DOCK10: variants seen among roughly 807,000 people sequenced by gnomAD.
DOCK10 encodes dedicator of cytokinesis protein 10.
DOCK10 carries 145 observed loss-of-function variants against 280.1 expected under a neutral mutation model. The observed-to-expected ratio is 0.52, with a 90% confidence interval of 0.45 to 0.59. The LOEUF is 0.59. DOCK10 is among the 20% of genes least tolerant of loss of function. The pLI, the probability that DOCK10 is intolerant of heterozygous loss-of-function variation, is 0.00. For synonymous variants in DOCK10, 915 were observed against 942.2 expected (o/e 0.97, Z 0.53); for missense variants, 2,368 against 2,651.7 (o/e 0.89, Z 2.35).
chr2:224,787,409 C>G lies in DOCK10; in HGVS notation c.5419-12G>C. On this transcript the variant is annotated splice_polypyrimidine_tract_variant and intron_variant, in intron 48 of 55. Coordinates refer to ENST00000258390, the MANE Select transcript of DOCK10 (RefSeq NM_014689.3). Reference sequence around the variant, plus strand: ...TCCACCAGGATATTCTGCAATTCCCCCAATCAAAATAAGATTTTACATGAT... The same window carrying G: ...TCCACCAGGATATTCTGCAATTCCCGCAATCAAAATAAGATTTTACATGAT... 1 of 1,613,358 alleles carries G rather than the reference C, an allele frequency of 6.2e-7. No homozygotes were observed. Among genetic ancestry groups the G allele is most frequent in the African/African-American group, 1.3e-5 (1 of 74,998 alleles).
chr2:224,885,584 G>T, intron 7 of DOCK10, 87 bp downstream of exon 7: 2 of 1,335,740 alleles, frequency 1.5e-6, no homozygotes, highest in Non-Finnish European at 2.0e-6. Context: ...GCAGCTCTTG[G>T]CTCATATCAG....
chr2:224,880,398 A>C (rs564592633), intron 7 of DOCK10, among the ~76,000 whole-genome samples: 2 of 152,340 alleles, frequency 1.3e-5, no homozygotes, highest in South Asian at 4.1e-4. Flanking sequence ...AATGTCATAT[A>C]GAATAGCAAA....
chr2:224,874,589 T>C, intron 9 of DOCK10, 77 bp downstream of exon 9: 1 of 1,383,684 alleles, frequency 7.2e-7, no homozygotes, highest in South Asian at 1.2e-5. Flanking sequence ...AAAGAAAGCA[T>C]TTACGTCTTT....
rs955757287 is a variant in DOCK10 at position 225,005,075 on chromosome 2, A to C, written c.123+37177T>G. Among the ~76,000 whole-genome samples, 5 of 152,250 alleles carry C rather than the reference A, an allele frequency of 3.3e-5. No individual in the cohort carries two copies. In the East Asian group the frequency reaches 9.6e-4, roughly 29 times the overall value. On this transcript the variant is annotated intron_variant, in intron 1 of 55. Coordinates refer to ENST00000258390, the MANE Select transcript of DOCK10 (RefSeq NM_014689.3). ...CATTAGATATATTAGAGGCAATTTG[A>C]AAGTTAACTGAGAAATGAGACCTCA... is the stretch of plus-strand genomic sequence containing the variant.
At chr2:224,869,869 C>A (rs868629108) in intron 11 of DOCK10, among the ~76,000 whole-genome samples, 1 of 152,152 alleles carries the variant, frequency 6.6e-6, no homozygotes, top group African/African-American at 2.4e-5. Flanking sequence ...GAAAAGCCCA[C>A]TATCTTTGAT....
intron 4 of DOCK10, 93 bp downstream of exon 4, chr2:224,896,202 A>C (rs1345838747): frequency 1.7e-5 from 12 of 687,966 alleles, no homozygotes; most frequent in Non-Finnish European, 2.3e-5. Context: ...CAGAAGATTA[A>C]TGTACGTGTA....
chr2:224,958,329 G>C (rs186740311), intron 1 of DOCK10, among the ~76,000 whole-genome samples: 1 of 151,972 alleles, frequency 6.6e-6, no homozygotes, highest in Non-Finnish European at 1.5e-5. Context: ...GAGGAGCTCC[G>C]GGCACAAAAA....
At chr2:224,846,269 A>G (rs1439889078) in intron 19 of DOCK10, among the ~76,000 whole-genome samples, 1 of 152,234 alleles carries the variant, frequency 6.6e-6, no homozygotes, top group East Asian at 1.9e-4. Context: ...ATGTAACTGC[A>G]GAATATAGAT....
chr2:224,988,075 C>T (rs980338268), intron 1 of DOCK10, among the ~76,000 whole-genome samples: 3 of 152,138 alleles, frequency 2.0e-5, no homozygotes, highest in African/African-American at 7.2e-5. Context: ...AGTGAACAAG[C>T]GTGATGCTGC....
chr2:224,896,435 G>A (rs764428659), intron 3 of DOCK10, 58 bp from the exon 4 acceptor site: 329 of 1,144,018 alleles, frequency 2.9e-4, no homozygotes, highest in Non-Finnish European at 3.3e-4. Context: ...AAGGCTGGGC[G>A]CGGTGGCGCT....
chr2:224,853,221 C>A, intron 16 of DOCK10, 99 bp from the exon 17 acceptor site: 1 of 1,066,912 alleles, frequency 9.4e-7, no homozygotes, highest in South Asian at 2.5e-5. Flanking sequence ...AAGATAGAAA[C>A]TCCTGGCTTG....
At chr2:224,771,279 T>C (rs547352464) in intron 53 of DOCK10, among the ~76,000 whole-genome samples, 2 of 152,340 alleles carry the variant, frequency 1.3e-5, no homozygotes, top group South Asian at 4.1e-4. Context: ...AAAACTAGAC[T>C]CACTTCTATT....
chr2:225,014,436 T>C (rs908457696), intron 1 of DOCK10, among the ~76,000 whole-genome samples: 2 of 152,090 alleles, frequency 1.3e-5, no homozygotes, highest in African/African-American at 4.8e-5. Context: ...TACTAAGATA[T>C]GATAATATCA....
chr2:224,796,965 TG>T lies in DOCK10; in HGVS notation c.4825del (p.Gln1609AsnfsTer6). On this transcript the variant is annotated frameshift_variant and splice_region_variant, in exon 43 of 56. Coordinates refer to ENST00000258390, the MANE Select transcript of DOCK10 (RefSeq NM_014689.3). LOFTEE classifies it high-confidence loss of function. ...TTAATGAAAATTGGCAGCACTTACT[TG>T]TAAGTGGGACCGGACAATTGACTTC... ...KQKSIVRSHL[Q>X]LIKAVSQLIA... 1 of 1,611,504 alleles carries T rather than the reference TG, an allele frequency of 6.2e-7. No homozygotes were observed. The highest frequency in any genetic ancestry group is 8.5e-7 in the Non-Finnish European group (1 of 1,178,516).
At chr2:224,982,456 C>T in intron 1 of DOCK10, 3 of 1,229,166 alleles carry the variant, frequency 2.4e-6, no homozygotes, top group Non-Finnish European at 3.0e-6. Flanking sequence ...ACAGCCTACA[C>T]TGCAGCTGCA....
intron 50 of DOCK10, among the ~76,000 whole-genome samples, chr2:224,785,662 A>C (rs1691682981): frequency 6.6e-6 from 1 of 151,910 alleles, no homozygotes; most frequent in South Asian, 2.1e-4. Context: ...TTGTATTTTT[A>C]GTAGAGATGG....
chr2:224,827,736 G>A (rs141212718), intron 27 of DOCK10, among the ~76,000 whole-genome samples: 2 of 152,312 alleles, frequency 1.3e-5, no homozygotes, highest in Non-Finnish European at 2.9e-5. Context: ...CTCCCTCCCA[G>A]GTAGGAGGCT....
At chr2:224,826,755 CT>C (rs1694885308) in intron 27 of DOCK10, among the ~76,000 whole-genome samples, 1 of 146,934 alleles carries the variant, frequency 6.8e-6, no homozygotes. Context: ...ATCTATCTAT[CT>C]ATCTATCTAT....
At chr2:224,948,005 A>G in intron 1 of DOCK10, among the ~76,000 whole-genome samples, 1 of 152,244 alleles carries the variant, frequency 6.6e-6, no homozygotes, top group East Asian at 1.9e-4. Context: ...TTGAAATATT[A>G]GCTATTGATA....
Sources: gnomAD v4.1 joint callset for allele counts (sites outside exome capture counted in the v4.1 genomes callset) on GRCh38, gnomAD v4.1.1 for gene constraint, MANE v1.5 for transcripts, NCBI Gene and HGNC (gene_info 2026-07-23, HGNC 2026-07-21) for gene names.